TLK1: variants seen among roughly 807,000 people sequenced by gnomAD.
The protein encoded by TLK1 is tousled like kinase 1, also known as serine/threonine-protein kinase tousled-like 1.
Under a neutral mutation model 105.3 loss-of-function variants are expected in TLK1, and 24 were observed. The ratio of observed to expected loss-of-function variants is 0.23; its 90% confidence interval spans 0.17 to 0.32. The LOEUF (loss-of-function observed/expected upper bound fraction) is 0.32. Among genes scored for constraint, TLK1 ranks in the 10% least tolerant of loss-of-function variants. The probability of loss-of-function intolerance (pLI) is 1.00; values close to 1 mark genes in which losing one functional copy is unlikely to be tolerated. For missense variants in TLK1, 558 were observed against 910.5 expected, an observed-to-expected ratio of 0.61 and a Z score of 4.98; for synonymous variants, 321 against 310.4, an observed-to-expected ratio of 1.03 and a Z score of -0.36.
At chr2:171,097,855 G>A (rs1180944246) in intron 2 of TLK1, among the ~76,000 whole-genome samples, 2 of 152,068 alleles carry the variant, frequency 1.3e-5, no homozygotes, top group African/African-American at 4.8e-5. Context: ...AACCTGGGAG[G>A]CGGAGGCTGC....
rs1402528618 is a variant in TLK1, at chr2:171,011,436, T to A, written c.1353A>T (p.Thr451=). Residue 451 remains threonine, a synonymous_variant, in exon 14 of 21, where the codon ACA becomes ACT. Coordinates refer to ENST00000431350, the MANE Select transcript of TLK1 (RefSeq NM_012290.5). Reference sequence around the variant, plus strand: ...GAAGTAATAAATATCTTTCATTTAATGTTGGGTGATCTTTGAACCTTAGAG... The same window carrying A: ...GAAGTAATAAATATCTTTCATTTAAAGTTGGGTGATCTTTGAACCTTAGAG... The part of the protein sequence containing the change: ...EDNSQFKDHP[T]LNERYLLLHL... The A allele has an allele frequency of 1.9e-6, 3 of 1,613,110 alleles. No homozygotes were observed. Among genetic ancestry groups the A allele is most frequent in the Non-Finnish European group, 2.5e-6 (3 of 1,179,592 alleles).
intron 3 of TLK1, 90 bp from the exon 4 acceptor site, chr2:171,061,246 A>C (rs1288302185): frequency 8.2e-7 from 1 of 1,222,120 alleles, no homozygotes; most frequent in African/African-American, 1.5e-5. Flanking sequence ...CGAGACCAAA[A>C]AAATAGCATT....
chr2:171,099,762 G>A (rs893522165), intron 2 of TLK1, among the ~76,000 whole-genome samples: 2 of 152,316 alleles, frequency 1.3e-5, no homozygotes, highest in East Asian at 3.9e-4. Flanking sequence ...AGAAAGAATA[G>A]TCTTTTCAAC....
intron 1 of TLK1, among the ~76,000 whole-genome samples, chr2:171,136,424 G>A (rs566261199): frequency 2.0e-5 from 3 of 152,270 alleles, no homozygotes; most frequent in African/African-American, 7.2e-5. Context: ...TAACACTACC[G>A]ACTTAGAAAT....
At position 171,056,414 on chromosome 2, in the gene TLK1, T is replaced by C; in HGVS notation, c.549+57A>G. 2.2e-6 allele frequency: 3 copies of C among 1,389,790 alleles called. No homozygotes were observed. In the South Asian group the frequency reaches 3.7e-5, roughly 17 times the overall value. 86.1% of individuals were successfully genotyped at this position (1,389,790 alleles called of 1,614,324 possible). A position where few individuals can be genotyped will look rare whatever the true frequency, so the allele number is the denominator to read the frequency against. ...AAAAAACAACAAATTATAAAACTTA[T>C]TCAGTGTACATAACCCTCCCAAAGA... is the stretch of plus-strand genomic sequence containing the variant. On this transcript the variant is annotated intron_variant, in intron 6 of 20. Coordinates refer to ENST00000431350, the MANE Select transcript of TLK1 (RefSeq NM_012290.5).
chr2:171,065,927 AG>A (rs1687972549), intron 3 of TLK1, among the ~76,000 whole-genome samples: 1 of 152,228 alleles, frequency 6.6e-6, no homozygotes. Flanking sequence ...TTTTGCTGGC[AG>A]CTGGTAAAAC....
intron 3 of TLK1, among the ~76,000 whole-genome samples, chr2:171,078,632 T>G (rs1688617826): frequency 6.6e-6 from 1 of 152,192 alleles, no homozygotes; most frequent in African/African-American, 2.4e-5. Context: ...AGTGATTCAT[T>G]CGCACAGAAC....
intron 1 of TLK1, among the ~76,000 whole-genome samples, chr2:171,230,632 C>T (rs1458688495): frequency 6.6e-6 from 1 of 152,208 alleles, no homozygotes; most frequent in African/African-American, 2.4e-5. Context: ...TTCCTCCCGT[C>T]TCCTTGTTCA....
At chr2:171,185,873 C>T (rs776934812) in intron 1 of TLK1, among the ~76,000 whole-genome samples, 10 of 152,162 alleles carry the variant, frequency 6.6e-5, no homozygotes, top group African/African-American at 1.7e-4. Flanking sequence ...CTAACAATCT[C>T]GTGATAATAA....
intron 2 of TLK1, among the ~76,000 whole-genome samples, chr2:171,086,723 GGGAA>G (rs1688996649): frequency 1.3e-5 from 2 of 152,204 alleles, no homozygotes; most frequent in South Asian, 4.1e-4. Flanking sequence ...TTTTGCTGAG[GGGAA>G]GGTCCCGGAG....
At position 171,055,159 on chromosome 2, in the gene TLK1, C is replaced by G. The variant is rs1339785348; in HGVS notation, c.563G>C (p.Ser188Thr). The G allele has an allele frequency of 6.9e-7, 1 of 1,439,168 alleles. No homozygotes were observed. The highest frequency in any genetic ancestry group is 1.6e-5 in the African/African-American group (1 of 63,934). 89.1% of individuals were successfully genotyped at this position (1,439,168 alleles called of 1,614,324 possible). The change falls in exon 7 of 21, where the codon AGC becomes ACC. Residue 188 changes from serine to threonine, a missense_variant. Physicochemically the swap from Ser to Thr is moderately conservative, Grantham distance 58. Transcript: ENST00000431350. ...AAATGCTAATGCAGTAGGAGAAGGGCTATTCGGTCGAACCTAAAGAAATTA... is the reference window on the plus strand; with the variant it reads ...AAATGCTAATGCAGTAGGAGAAGGGGTATTCGGTCGAACCTAAAGAAATTA... ...STPSSSVRPN[S>T]PSPTALAFGD... is the part of the protein sequence containing the mutation.
Position 171,160,390 on chromosome 2 carries a change from C to A in TLK1, c.39G>T (p.Pro13=), listed in dbSNP as rs1322392989. Residue 13 remains proline, a synonymous_variant, in exon 1 of 21, where the codon CCG becomes CCT. Coordinates refer to ENST00000431350, the MANE Select transcript of TLK1 (RefSeq NM_012290.5). This position sits in a 1 kb window ranked among gnomAD's most constrained non-coding sequence, Gnocchi z 4.4. ...VQSSSGSLEG[P]PSWSQLSTSP... The stretch of plus-strand genomic sequence containing the variant: ...ACGTGGAGAGCTGGGACCAAGATGG[C>A]GGCCCCTCCAAACTTCCACTGCTAC... 3.7e-6 allele frequency: 6 copies of A among 1,603,878 alleles called. No homozygotes were observed. Among genetic ancestry groups the A allele is most frequent in the Non-Finnish European group, 5.1e-6 (6 of 1,175,796 alleles).
intron 1 of TLK1, among the ~76,000 whole-genome samples, chr2:171,213,871 T>G (rs1693664743): frequency 6.8e-6 from 1 of 147,502 alleles, no homozygotes; most frequent in African/African-American, 2.5e-5. Flanking sequence ...TACAGGCACA[T>G]GCCACCATGC....
At chr2:171,067,453 G>C (rs1046868501) in intron 3 of TLK1, among the ~76,000 whole-genome samples, 5 of 152,068 alleles carry the variant, frequency 3.3e-5, no homozygotes, top group African/African-American at 1.2e-4. Context: ...GAGCCACCAC[G>C]CCCGGCCACA....
rs187280258 is a variant in TLK1 at position 171,078,494 on chromosome 2, C to T, written c.330+4287G>A. On this transcript the variant is annotated intron_variant, in intron 3 of 20. Coordinates refer to ENST00000431350, the MANE Select transcript of TLK1 (RefSeq NM_012290.5). ...CGGAGGTTGTGGTGAGCTGAGATCA[C>T]GCCACTGCACTCCAGCCTGGGCAAC... is the stretch of plus-strand genomic sequence containing the variant. Among the ~76,000 whole-genome samples, 732 of 151,920 alleles carry T rather than the reference C, an allele frequency of 4.8e-3. 5 individuals are homozygous for T. Among genetic ancestry groups the T allele is most frequent in the African/African-American group, 0.016 (675 of 41,398 alleles).
chr2:171,161,363 G>C (rs972838810), upstream of TLK1, among the ~76,000 whole-genome samples: 4 of 152,130 alleles, frequency 2.6e-5, no homozygotes, highest in Non-Finnish European at 5.9e-5. Flanking sequence ...TCTCAAAATG[G>C]AACTGAAAAG....
At chr2:171,145,539 G>A (rs1014886063) in intron 1 of TLK1, among the ~76,000 whole-genome samples, 7 of 151,140 alleles carry the variant, frequency 4.6e-5, no homozygotes, top group South Asian at 2.1e-4. Context: ...GCAGTGAGCC[G>A]AGATTGTGCC....
At chr2:171,048,023 A>G (rs1279178156) in intron 10 of TLK1, among the ~76,000 whole-genome samples, 1 of 152,146 alleles carries the variant, frequency 6.6e-6, no homozygotes, top group Non-Finnish European at 1.5e-5. Flanking sequence ...ATCTCGGCTC[A>G]CTGCAGCCTC....
intron 18 of TLK1, among the ~76,000 whole-genome samples, chr2:171,000,576 G>A (rs1438922773): frequency 6.6e-6 from 1 of 151,986 alleles, no homozygotes; most frequent in African/African-American, 2.4e-5. Context: ...AGTGAAAGTG[G>A]ATTATGACAA....
Sources: gnomAD v4.1 joint callset for allele counts (sites outside exome capture counted in the v4.1 genomes callset) on GRCh38, gnomAD v4.1.1 for gene constraint, Gnocchi (gnomAD v3.1) non-coding constraint, MANE v1.5 for transcripts, NCBI Gene and HGNC (gene_info 2026-07-23, HGNC 2026-07-21) for gene names.